Variants in WWOX observed in about 807,000 individuals in gnomAD.
WWOX encodes WW domain containing oxidoreductase.
Under a neutral mutation model 46.2 loss-of-function variants are expected in WWOX, and 69 were observed. The observed-to-expected ratio is 1.49, with a 90% confidence interval of 1.23 to 1.82. The LOEUF (loss-of-function observed/expected upper bound fraction) is 1.82. WWOX is among the 40% of genes most tolerant of loss of function. The pLI, the probability that WWOX is intolerant of heterozygous loss-of-function variation, is 0.00. For synonymous variants in WWOX, 359 were observed against 202.6 expected (o/e 1.77, Z -6.56); for missense variants, 919 against 542.6 (o/e 1.69, Z -6.89).
intron 8 of WWOX, among the ~76,000 whole-genome samples, chr16:78,800,920 C>T (rs2050869281): frequency 6.7e-6 from 1 of 149,728 alleles, no homozygotes; most frequent in South Asian, 2.2e-4. Flanking sequence ...AACCATTAAG[C>T]ATCAAACTCT....
chr16:78,332,197 C>G (rs1260783145), intron 5 of WWOX, among the ~76,000 whole-genome samples: 1 of 152,090 alleles, frequency 6.6e-6, no homozygotes, highest in Admixed American at 6.6e-5. Context: ...TTTGCCATCT[C>G]TTTTTCCCAG....
chr16:78,368,649 G>A (rs976147989), intron 5 of WWOX, among the ~76,000 whole-genome samples: 3 of 152,240 alleles, frequency 2.0e-5, no homozygotes, highest in Non-Finnish European at 4.4e-5. Context: ...CCATCGTGAA[G>A]TGGCTTCTAA....
chr16:79,181,499 G>C (rs564025177), intron 8 of WWOX, among the ~76,000 whole-genome samples: 1 of 151,990 alleles, frequency 6.6e-6, no homozygotes, highest in South Asian at 2.1e-4. Flanking sequence ...TGTATCCTGT[G>C]GTTTTACTTA....
intron 5 of WWOX, among the ~76,000 whole-genome samples, chr16:78,332,426 C>G (rs959685520): frequency 6.6e-5 from 10 of 152,130 alleles, no homozygotes; most frequent in African/African-American, 2.2e-4. Flanking sequence ...AGCGGAGTAG[C>G]CTGTGATTTG....
intron 8 of WWOX, among the ~76,000 whole-genome samples, chr16:78,651,615 G>C (rs553799799): frequency 7.2e-5 from 11 of 152,174 alleles, no homozygotes; most frequent in Non-Finnish European, 4.4e-5. Context: ...GAACCTCAGT[G>C]CTATTGCTCA....
intron 8 of WWOX, among the ~76,000 whole-genome samples, chr16:78,893,095 C>G (rs958803816): frequency 6.6e-6 from 1 of 152,068 alleles, no homozygotes; most frequent in East Asian, 1.9e-4. Flanking sequence ...CATCTCCACC[C>G]TGCTGAGTAA....
At chr16:78,745,117 C>G (rs768093508) in intron 8 of WWOX, among the ~76,000 whole-genome samples, 1 of 152,168 alleles carries the variant, frequency 6.6e-6, no homozygotes, top group Non-Finnish European at 1.5e-5. Context: ...GGAGCCAAGA[C>G]TAGTTTAGAG....
intron 8 of WWOX, among the ~76,000 whole-genome samples, chr16:79,000,679 C>A (rs183158561): frequency 6.6e-6 from 1 of 152,174 alleles, no homozygotes; most frequent in African/African-American, 2.4e-5. Flanking sequence ...CACAGTGATA[C>A]CCATTGTGGC....
At position 79,123,916 on chromosome 16, in the gene WWOX, C is replaced by G. The variant is rs551657870; in HGVS notation, c.1057-87692C>G. Among the ~76,000 whole-genome samples the G allele has an allele frequency of 8.5e-5, 13 of 152,248 alleles. No homozygotes were observed. The South Asian group carries it at 2.3e-3, about 27-fold the overall frequency. Reference sequence around the variant, plus strand: ...ATGGAGGTTTGATTAAACCGATACCCTGGGTCTCCTGCTGTATCAAATCAT... The same window carrying G: ...ATGGAGGTTTGATTAAACCGATACCGTGGGTCTCCTGCTGTATCAAATCAT... On this transcript the variant is annotated intron_variant, in intron 8 of 8. Coordinates refer to ENST00000566780, the MANE Select transcript of WWOX (RefSeq NM_016373.4).
intron 5 of WWOX, among the ~76,000 whole-genome samples, chr16:78,286,320 A>G (rs542516869): frequency 1.3e-5 from 2 of 152,340 alleles, no homozygotes; most frequent in East Asian, 3.9e-4. Context: ...AAATTTGATT[A>G]ATGTTTTGAA....
intron 8 of WWOX, among the ~76,000 whole-genome samples, chr16:78,464,206 G>C (rs1427687165): frequency 6.6e-6 from 1 of 152,020 alleles, no homozygotes; most frequent in Admixed American, 6.6e-5. Flanking sequence ...CTAGTACTAA[G>C]CAGAATGGAA....
chr16:78,303,608 A>C (rs962446243), intron 5 of WWOX, among the ~76,000 whole-genome samples: 1 of 152,144 alleles, frequency 6.6e-6, no homozygotes, highest in African/African-American at 2.4e-5. Flanking sequence ...GCAATGGCAC[A>C]ATCTCGGCTC....
intron 8 of WWOX, among the ~76,000 whole-genome samples, chr16:78,459,501 C>T (rs1047713903): frequency 2.0e-5 from 3 of 152,148 alleles, no homozygotes; most frequent in South Asian, 2.1e-4. Flanking sequence ...TGCCATTTTG[C>T]ATATTCTTGC....
At chr16:78,566,300 G>C (rs2044563621) in intron 8 of WWOX, among the ~76,000 whole-genome samples, 1 of 152,168 alleles carries the variant, frequency 6.6e-6, no homozygotes, top group African/African-American at 2.4e-5. Context: ...GCTGGGGAGA[G>C]GAACACATAC....
intron 8 of WWOX, among the ~76,000 whole-genome samples, chr16:78,533,092 C>T (rs911113000): frequency 4.6e-5 from 7 of 152,134 alleles, no homozygotes; most frequent in Admixed American, 3.3e-4. Flanking sequence ...GCCTCAGTTC[C>T]TTTCCATCCT....
chr16:79,183,937 G>A (rs1007343448), intron 8 of WWOX, among the ~76,000 whole-genome samples: 5 of 152,164 alleles, frequency 3.3e-5, no homozygotes, highest in African/African-American at 4.8e-5. Context: ...GATGACTCCA[G>A]AAGAAAACAC....
At chr16:78,820,901 T>C (rs1349115067) in intron 8 of WWOX, among the ~76,000 whole-genome samples, 2 of 152,146 alleles carry the variant, frequency 1.3e-5, no homozygotes, top group African/African-American at 4.8e-5. Flanking sequence ...CACATTCTAA[T>C]CTCTACTTCC....
chr16:78,494,437 TC>T (rs1394386258), intron 8 of WWOX, among the ~76,000 whole-genome samples: 2 of 152,164 alleles, frequency 1.3e-5, no homozygotes, highest in East Asian at 3.9e-4. Flanking sequence ...GTGATGTCTT[TC>T]CTTTTGCATT....
intron 2 of WWOX, 116 bp from the exon 3 acceptor site, chr16:78,109,662 G>A (rs1220720187): frequency 3.8e-5 from 38 of 995,130 alleles, no homozygotes; most frequent in Non-Finnish European, 5.8e-5. Flanking sequence ...TGTGACAACT[G>A]CTGGGTGGGA....
Sources: gnomAD v4.1 joint callset for allele counts (sites outside exome capture counted in the v4.1 genomes callset) on GRCh38, gnomAD v4.1.1 for gene constraint, MANE v1.5 for transcripts, NCBI Gene and HGNC (gene_info 2026-07-23, HGNC 2026-07-21) for gene names.